SPATA21: variants seen among roughly 807,000 people sequenced by gnomAD.
The protein encoded by SPATA21 is spermatogenesis associated 21, also known as spermatogenesis-associated protein 21.
Under a neutral mutation model 54.8 loss-of-function variants are expected in SPATA21, and 47 were observed. The observed-to-expected ratio is 0.86, with a 90% confidence interval of 0.68 to 1.09. The LOEUF is 1.09. SPATA21 is among the 50% of genes least tolerant of loss of function. The probability of loss-of-function intolerance (pLI) is 0.00; values close to 1 mark genes in which losing one functional copy is unlikely to be tolerated. For missense variants in SPATA21, 599 were observed against 596.4 expected (o/e 1.00, Z -0.05); for synonymous variants, 245 against 235.3 (o/e 1.04, Z -0.38).
intron 12 of SPATA21, among the ~76,000 whole-genome samples, 159 bp from the exon 13 acceptor site, chr1:16,398,981 C>T (rs926088622): frequency 8.5e-5 from 13 of 152,162 alleles, no homozygotes; most frequent in Non-Finnish European, 1.3e-4. Flanking sequence ...GATTCCAAGT[C>T]CAGAGCTCCC....
intron 5 of SPATA21, among the ~76,000 whole-genome samples, chr1:16,419,821 T>G (rs962861235): frequency 1.3e-5 from 2 of 152,112 alleles, no homozygotes; most frequent in African/African-American, 2.4e-5. Flanking sequence ...TTGCCTGTAA[T>G]CCCACCTACT....
At position 16,422,614 on chromosome 1, in the gene SPATA21, C is replaced by T. The variant is rs145537567; in HGVS notation, c.35-643G>A. Among the ~76,000 whole-genome samples the T allele has an allele frequency of 2.8e-4, 43 of 151,878 alleles. No individual in the cohort carries two copies. The East Asian group carries it at 8.0e-3, about 28-fold the overall frequency. ...TTGACCTCCTGAGCTCAAGGGATCC[C>T]CCTGCTTCAGCCTCCCAAGTAGCTG... On this transcript the variant is annotated intron_variant, in intron 3 of 12. Coordinates refer to ENST00000335496, the MANE Select transcript of SPATA21 (RefSeq NM_198546.1).
intron 7 of SPATA21, 48 bp from the exon 8 acceptor site, chr1:16,405,152 G>GCC (rs1557646835): frequency 6.4e-7 from 1 of 1,563,938 alleles, no homozygotes. Flanking sequence ...TCTTGTTTCT[G>GCC]TCATTCATCC....
chr1:16,405,329 C>G (rs998383680), intron 7 of SPATA21, among the ~76,000 whole-genome samples: 4 of 151,942 alleles, frequency 2.6e-5, no homozygotes, highest in Non-Finnish European at 5.9e-5. Flanking sequence ...TGGTGAAACC[C>G]TATCTCTACT....
intron 5 of SPATA21, among the ~76,000 whole-genome samples, chr1:16,414,858 A>G (rs2085952331): frequency 7.6e-6 from 1 of 131,912 alleles, no homozygotes; most frequent in African/African-American, 2.9e-5. Flanking sequence ...ACACCATTGC[A>G]CTTTAGCCTG....
chr1:16,417,879 C>T (rs757997510), intron 5 of SPATA21, among the ~76,000 whole-genome samples: 35 of 152,298 alleles, frequency 2.3e-4, no homozygotes, highest in Non-Finnish European at 3.7e-4. Flanking sequence ...TGGCCCTGGG[C>T]GCCCTTTCTA....
intron 1 of SPATA21, among the ~76,000 whole-genome samples, chr1:16,436,027 C>T (rs565276865): frequency 1.3e-3 from 203 of 151,882 alleles, no homozygotes; most frequent in African/African-American, 4.6e-3. Context: ...CTGAGGCGGG[C>T]GGATCATGAG....
chr1:16,406,764 C>T (rs374429641), intron 7 of SPATA21, among the ~76,000 whole-genome samples: 1 of 151,968 alleles, frequency 6.6e-6, no homozygotes, highest in Non-Finnish European at 1.5e-5. Context: ...AAATAATAAA[C>T]GCAAATTTGG....
chr1:16,425,801 C>A, intron 3 of SPATA21: 1 of 1,373,194 alleles, frequency 7.3e-7, no homozygotes, highest in African/African-American at 1.4e-5. Flanking sequence ...TTTTACAGGG[C>A]TAGGCATACC....
chr1:16,410,166 A>G lies in SPATA21; in HGVS notation c.145-123T>C, dbSNP rs888679888. On this transcript the variant is annotated intron_variant, in intron 5 of 12. Transcript: ENST00000335496. ...CCCTTACTCTCTGAGCCTTTGGAGG[A>G]TGTACCCCAAATCTCACATGCACCC... 16 of 792,762 alleles carry G rather than the reference A, an allele frequency of 2.0e-5. No homozygotes were observed. The African/African-American group carries it at 2.7e-4, about 13-fold the overall frequency. 49.1% of individuals were successfully genotyped at this position (792,762 alleles called of 1,614,324 possible). A position where few individuals can be genotyped will look rare whatever the true frequency, so the allele number is the denominator to read the frequency against.
At chr1:16,424,703 G>A (rs1379418760) in intron 3 of SPATA21, among the ~76,000 whole-genome samples, 1 of 151,638 alleles carries the variant, frequency 6.6e-6, no homozygotes, top group Admixed American at 6.6e-5. Context: ...CACGAGCCAC[G>A]GCGCCTGGCC....
chr1:16,419,629 T>A (rs1205565518), intron 5 of SPATA21, among the ~76,000 whole-genome samples: 1 of 152,110 alleles, frequency 6.6e-6, no homozygotes, highest in East Asian at 1.9e-4. Flanking sequence ...ATTGGATATA[T>A]GAACATGGAA....
At chr1:16,431,465 C>T (rs1570221912) in intron 2 of SPATA21, 43 bp from the exon 3 acceptor site, 3 of 1,557,768 alleles carry the variant, frequency 1.9e-6, no homozygotes, top group Non-Finnish European at 2.6e-6. Flanking sequence ...AGCCCATCAC[C>T]TAACTGCTGC....
At chr1:16,430,246 G>A (rs754543290) in intron 3 of SPATA21, among the ~76,000 whole-genome samples, 2 of 151,368 alleles carry the variant, frequency 1.3e-5, no homozygotes, top group Non-Finnish European at 2.9e-5. Flanking sequence ...TGGGCAACAT[G>A]ATAAAGCCTT....
intron 12 of SPATA21, 92 bp downstream of exon 12, chr1:16,399,252 T>A: frequency 1.4e-6 from 2 of 1,403,584 alleles, no homozygotes; most frequent in Non-Finnish European, 1.9e-6. Flanking sequence ...GTATGATCTC[T>A]TAGAAAGATG....
chr1:16,422,720 C>G (rs186092728), intron 3 of SPATA21, among the ~76,000 whole-genome samples: 144 of 152,158 alleles, frequency 9.5e-4, no homozygotes, highest in African/African-American at 3.3e-3. Flanking sequence ...GTTGCTCAGG[C>G]TGGTCTTGAA....
At chr1:16,425,824 C>T (rs2086303508) in intron 3 of SPATA21, 2 of 1,120,228 alleles carry the variant, frequency 1.8e-6, no homozygotes, top group African/African-American at 1.6e-5. Flanking sequence ...AGGTGCATAG[C>T]TAACGCCTGG....
chr1:16,424,033 T>A (rs532446900), intron 3 of SPATA21, among the ~76,000 whole-genome samples: 1 of 151,718 alleles, frequency 6.6e-6, no homozygotes, highest in East Asian at 1.9e-4. Flanking sequence ...GTGATGGCTA[T>A]GTTTGCTTTC....
At chr1:16,431,533 G>A in intron 2 of SPATA21, 111 bp from the exon 3 acceptor site, 1 of 1,048,678 alleles carries the variant, frequency 9.5e-7, no homozygotes, top group Non-Finnish European at 1.3e-6. Context: ...GAAGAGGCGG[G>A]GCCAGGCCTT....
Sources: allele counts gnomAD v4.1 joint callset (sites outside exome capture counted in the v4.1 genomes callset), GRCh38; gene constraint gnomAD v4.1.1; transcripts MANE v1.5; gene names NCBI Gene and HGNC (gene_info 2026-07-23, HGNC 2026-07-21).